Variants in MTRFR observed in about 807,000 individuals in gnomAD.
MTRFR encodes the protein probable peptide chain release factor C12orf65, mitochondrial.
A neutral mutation model predicts 11.9 loss-of-function variants in MTRFR; 10 were observed. The observed-to-expected ratio is 0.84, with a 90% CI of 0.52 to 1.42. The LOEUF (loss-of-function observed/expected upper bound fraction) is 1.42. MTRFR is among the 40% of genes most tolerant of loss of function. MTRFR has a pLI of 0.00. For synonymous variants in MTRFR, 77 were observed against 79.1 expected, an observed-to-expected ratio of 0.97 and a Z score of 0.14; for missense variants, 196 against 197.9, an observed-to-expected ratio of 0.99 and a Z score of 0.06.
intron 1 of MTRFR, chr12:123,249,979 C>G (rs2138783164): frequency 6.6e-6 from 1 of 152,334 alleles, no homozygotes; most frequent in South Asian, 2.1e-4. Context: ...GTTTTCCAAG[C>G]TTTTAGATTT....
rs544105176 is a variant in MTRFR at position 123,244,930 on chromosome 12, A to ATTTT, written c.-28-8690_-28-8687dup. Among the ~76,000 whole-genome samples the ATTTT allele has an allele frequency of 3.4e-3, 221 of 65,096 alleles. 25 individuals are homozygous for ATTTT. Among genetic ancestry groups the ATTTT allele is most frequent in the African/African-American group, 0.02 (193 of 9,840 alleles). 42.7% of individuals were successfully genotyped at this position (65,096 alleles called of 152,430 possible). A position where few individuals can be genotyped will look rare whatever the true frequency, so the allele number is the denominator to read the frequency against. ...ACAGGTATGAGCCACCGCACCCGGC[A>ATTTT]TTTTTTTTTTTTTTTTTTTTTTTTT... On this transcript the variant is annotated intron_variant, in intron 1 of 2. Transcript: ENST00000253233.
intron 1 of MTRFR, chr12:123,249,130 AG>A (rs940462459): frequency 6.6e-6 from 1 of 152,294 alleles, no homozygotes; most frequent in African/African-American, 2.4e-5. Context: ...AGCTAGACAC[AG>A]GGTGCTGATT....
intron 1 of MTRFR, among the ~76,000 whole-genome samples, chr12:123,252,881 C>T (rs1331370979): frequency 2.6e-5 from 4 of 151,908 alleles, no homozygotes; most frequent in Non-Finnish European, 4.4e-5. Flanking sequence ...GCCAAGATCG[C>T]GCCATCGCAC....
intron 1 of MTRFR, among the ~76,000 whole-genome samples, chr12:123,235,401 G>T (rs1358710535): frequency 2.6e-5 from 4 of 151,170 alleles, no homozygotes; most frequent in Admixed American, 2.0e-4. Flanking sequence ...TCCAAACGTA[G>T]TGAGTTTTGT....
intron 1 of MTRFR, chr12:123,250,712 A>G (rs546020666): frequency 6.6e-6 from 1 of 152,322 alleles, no homozygotes; most frequent in South Asian, 2.1e-4. Context: ...TGAACCATCT[A>G]TGGGTCTCTC....
chr12:123,247,934 G>A (rs1405494066), intron 1 of MTRFR, among the ~76,000 whole-genome samples: 2 of 151,820 alleles, frequency 1.3e-5, no homozygotes, highest in African/African-American at 4.8e-5. Context: ...AACAGAGTGA[G>A]ACTCTGTCTC....
At chr12:123,249,006 GAC>G (rs1204382743) in intron 1 of MTRFR, 2 of 151,828 alleles carry the variant, frequency 1.3e-5, no homozygotes, top group Non-Finnish European at 2.9e-5. Flanking sequence ...CCTTCAGCTA[GAC>G]ACAGAGTGCT....
intron 1 of MTRFR, chr12:123,250,673 C>A (rs181408962): frequency 6.6e-6 from 1 of 152,304 alleles, no homozygotes; most frequent in African/African-American, 2.4e-5. Context: ...CAGGCTGGTA[C>A]TGGAGGTTAT....
intron 1 of MTRFR, among the ~76,000 whole-genome samples, chr12:123,244,432 C>CAAAACAA (rs111694265): frequency 0.11 from 17,156 of 151,220 alleles, 1,100 homozygotes; most frequent in East Asian, 0.29. Context: ...AACTCCATCT[C>CAAAACAA]AAAACAAAAA....
At position 123,256,090 on chromosome 12, in the gene MTRFR, C is replaced by T. The variant is rs1593289370; in HGVS notation, c.283-723C>T. Among the ~76,000 whole-genome samples the T allele has an allele frequency of 2.0e-5, 3 of 152,258 alleles. No individual in the cohort carries two copies. The South Asian group carries it at 6.2e-4, about 32-fold the overall frequency. On this transcript the variant is annotated intron_variant, in intron 2 of 2. Coordinates refer to ENST00000253233, the MANE Select transcript of MTRFR (RefSeq NM_152269.5). ...TTAAGATTTATCTTTTATCAAACAG[C>T]TTTGCAAGGCACTCACCCTATAATA...
intron 1 of MTRFR, among the ~76,000 whole-genome samples, chr12:123,239,721 T>C (rs2047901775): frequency 6.6e-6 from 1 of 152,202 alleles, no homozygotes. Context: ...TAGTTTCTAT[T>C]GGACACCACT....
chr12:123,246,969 T>G (rs993444462), intron 1 of MTRFR, among the ~76,000 whole-genome samples: 8 of 152,048 alleles, frequency 5.3e-5, no homozygotes, highest in African/African-American at 1.9e-4. Context: ...GACCTTGTGA[T>G]CCACCTGCCT....
At chr12:123,254,847 A>G (rs867609287) in intron 2 of MTRFR, 1 of 152,074 alleles carries the variant, frequency 6.6e-6, no homozygotes, top group Admixed American at 6.6e-5. Flanking sequence ...AGGCAGGAGA[A>G]TCGCTTGAAC....
At chr12:123,243,566 G>A (rs752482875) in intron 1 of MTRFR, among the ~76,000 whole-genome samples, 3 of 151,638 alleles carry the variant, frequency 2.0e-5, no homozygotes, top group Non-Finnish European at 4.4e-5. Flanking sequence ...TTAGCTAGGT[G>A]TGGTGGCACG....
At chr12:123,245,280 A>G (rs904343324) in intron 1 of MTRFR, among the ~76,000 whole-genome samples, 18 of 152,100 alleles carry the variant, frequency 1.2e-4, no homozygotes, top group Non-Finnish European at 2.4e-4. Flanking sequence ...TTTGGTGACT[A>G]TGGCCTTATA....
intron 1 of MTRFR, among the ~76,000 whole-genome samples, chr12:123,247,428 C>A (rs756185642): frequency 2.6e-5 from 4 of 152,146 alleles, no homozygotes; most frequent in Non-Finnish European, 5.9e-5. Flanking sequence ...CTTTTAACTG[C>A]TGTTGCTTTA....
At chr12:123,242,663 G>A (rs957856698) in intron 1 of MTRFR, among the ~76,000 whole-genome samples, 3 of 152,202 alleles carry the variant, frequency 2.0e-5, no homozygotes, top group Non-Finnish European at 4.4e-5. Context: ...ACTCCAGCTG[G>A]GTGGGAGACC....
chr12:123,252,457 T>G (rs939727784), intron 1 of MTRFR: 14 of 150,514 alleles, frequency 9.3e-5, no homozygotes, highest in African/African-American at 3.4e-4. Context: ...ATTAGTTGAC[T>G]TGGTAGTTCC....
intron 2 of MTRFR, 101 bp downstream of exon 2, chr12:123,254,057 A>G: frequency 6.9e-7 from 1 of 1,451,598 alleles, no homozygotes; most frequent in Non-Finnish European, 9.3e-7. Flanking sequence ...GAAGTGCATT[A>G]TTTTTCTGGC....
Sources: gnomAD v4.1 joint callset for allele counts (sites outside exome capture counted in the v4.1 genomes callset) on GRCh38, gnomAD v4.1.1 for gene constraint, MANE v1.5 for transcripts, NCBI Gene and HGNC (gene_info 2026-07-23, HGNC 2026-07-21) for gene names.